The following CCDC6 variants were observed in gnomAD, a reference collection of about 807,000 sequenced individuals.
CCDC6 encodes coiled-coil domain containing 6, also known as coiled-coil domain-containing protein 6.
CCDC6 carries 20 observed loss-of-function variants against 56.6 expected under a neutral mutation model. The ratio of observed to expected loss-of-function variants is 0.35; its 90% CI spans 0.25 to 0.51. The LOEUF (loss-of-function observed/expected upper bound fraction) is 0.51, where lower values mean the gene tolerates loss of function less well. Ranked by LOEUF, CCDC6 falls within the 20% of genes least tolerant of loss-of-function variation. The pLI is 0.95. For missense variants in CCDC6, 367 were observed against 601.1 expected (o/e 0.61, Z 4.07); for synonymous variants, 241 against 234.4 (o/e 1.03, Z -0.26).
intron 1 of CCDC6, among the ~76,000 whole-genome samples, chr10:59,865,791 GCAGTGATC>G (rs2071171813): frequency 7.1e-6 from 1 of 140,266 alleles, no homozygotes; most frequent in African/African-American, 2.8e-5. Flanking sequence ...GATAGAGGTT[GCAGTGATC>G]GAGACAGGGT....
Position 59,812,768 on chromosome 10 carries a change from G to C in CCDC6, c.714C>G (p.Pro238=), listed in dbSNP as rs760941928. ...KRILQEKLDQ[P]VSAPPSPRDI... The stretch of plus-strand genomic sequence containing the variant: ...CTCTAGGCGATGGTGGAGCAGAGAC[G>C]GGCTGGTCTAATTTTTCCTGCAGGA... The change falls in exon 5 of 9, where the codon CCC becomes CCG. Residue 238 remains proline, a synonymous_variant. Transcript: ENST00000263102. 8 of 1,607,042 alleles carry C rather than the reference G, an allele frequency of 5.0e-6. No individual in the cohort carries two copies. The highest frequency in any genetic ancestry group is 2.2e-5 in the South Asian group (2 of 89,486).
chr10:59,801,011 A>G (rs1424605934), intron 7 of CCDC6, among the ~76,000 whole-genome samples: 1 of 152,210 alleles, frequency 6.6e-6, no homozygotes, highest in Non-Finnish European at 1.5e-5. Flanking sequence ...CAAGATACAA[A>G]AGCATTTCAT....
intron 1 of CCDC6, among the ~76,000 whole-genome samples, chr10:59,864,517 G>C (rs574488191): frequency 1.3e-5 from 2 of 152,286 alleles, no homozygotes; most frequent in South Asian, 4.1e-4. Context: ...CCTGATGATT[G>C]TTCTGCGGGG....
rs1214201177 is a variant in CCDC6 at position 59,788,779 on chromosome 10, ATCTT to A, written c.*4134_*4137del. 1.6e-5 allele frequency: 3 copies of A among 185,856 alleles called. No homozygotes were observed. The highest frequency in any genetic ancestry group is 2.3e-5 in the African/African-American group (1 of 42,674). The allele number at this position is 185,856 out of a possible 1,614,324, so 11.5% of individuals were successfully genotyped here. A position where few individuals can be genotyped will look rare whatever the true frequency, so the allele number is the denominator to read the frequency against. On this transcript the variant is annotated 3_prime_UTR_variant, in exon 9 of 9. Coordinates refer to ENST00000263102, the MANE Select transcript of CCDC6 (RefSeq NM_005436.5). ...CTCAAGAGGTACATTTTAAAAAATTATCTTTATTTAGGTTTCTGATTCAGCACAT... is the reference window on the plus strand; with the variant it reads ...CTCAAGAGGTACATTTTAAAAAATTATATTTAGGTTTCTGATTCAGCACAT...
chr10:59,827,941 G>A (rs374319753), intron 3 of CCDC6, among the ~76,000 whole-genome samples: 1 of 152,090 alleles, frequency 6.6e-6, no homozygotes. Flanking sequence ...TAAAACCCAC[G>A]TACCGTATGC....
At chr10:59,799,508 G>GT in intron 7 of CCDC6, among the ~76,000 whole-genome samples, 1 of 152,312 alleles carries the variant, frequency 6.6e-6, no homozygotes, top group South Asian at 2.1e-4. Context: ...CAGGTCAGTG[G>GT]TTCTCAACAG....
chr10:59,870,233 G>A (rs1179771992), intron 1 of CCDC6, among the ~76,000 whole-genome samples: 2 of 152,126 alleles, frequency 1.3e-5, no homozygotes, highest in Non-Finnish European at 2.9e-5. Context: ...TCATTGAGAC[G>A]TGGAAAAAGG....
intron 1 of CCDC6, among the ~76,000 whole-genome samples, chr10:59,881,535 T>A (rs1486840725): frequency 6.6e-6 from 1 of 152,172 alleles, no homozygotes; most frequent in African/African-American, 2.4e-5. Context: ...TTTTAATACA[T>A]GAATTCATTC....
At position 59,854,556 on chromosome 10, in the gene CCDC6, G is replaced by T. The variant is rs533406615; in HGVS notation, c.304-1854C>A. On this transcript the variant is annotated intron_variant, in intron 1 of 8. Transcript: ENST00000263102. Reference sequence around the variant, plus strand: ...TACCAGCCAAGGCACCCAGTGAGCAGTCCATAGGTTCCCCCAGTGGTTCCC... The same window carrying T: ...TACCAGCCAAGGCACCCAGTGAGCATTCCATAGGTTCCCCCAGTGGTTCCC... 4.0e-4 allele frequency among the ~76,000 whole-genome samples: 61 copies of T among 151,596 alleles called. 1 individual carries two copies. Among genetic ancestry groups the T allele is most frequent in the African/African-American group, 1.4e-3 (60 of 41,520 alleles).
At chr10:59,884,096 A>T (rs61845860) in intron 1 of CCDC6, among the ~76,000 whole-genome samples, 11,490 of 152,314 alleles carry the variant, frequency 0.075, 576 homozygotes, top group Middle Eastern at 0.13. Context: ...ACTAAAAGCC[A>T]TATTATCTCT....
chr10:59,847,510 A>G (rs1004310772), intron 2 of CCDC6, among the ~76,000 whole-genome samples: 1 of 152,164 alleles, frequency 6.6e-6, no homozygotes, highest in Non-Finnish European at 1.5e-5. Flanking sequence ...TCACTTGCAA[A>G]TGAGCCTGAC....
intron 1 of CCDC6, among the ~76,000 whole-genome samples, chr10:59,899,863 A>G (rs1359211537): frequency 6.8e-6 from 1 of 147,192 alleles, no homozygotes; most frequent in Non-Finnish European, 1.5e-5. Flanking sequence ...ACCCAAAGCT[A>G]GAAGGCAAGG....
rs1167007522 is a variant in CCDC6 at position 59,869,389 on chromosome 10, C to CAAAAAAAAAAAAAAAAAAAA, written c.304-16707_304-16688dup. 1.1e-3 allele frequency among the ~76,000 whole-genome samples: 7 copies of CAAAAAAAAAAAAAAAAAAAA among 6,090 alleles called. 2 individuals are homozygous for CAAAAAAAAAAAAAAAAAAAA. Among genetic ancestry groups the CAAAAAAAAAAAAAAAAAAAA allele is most frequent in the African/African-American group, 2.2e-3 (5 of 2,226 alleles). 4.0% of individuals were successfully genotyped at this position (6,090 alleles called of 152,430 possible). A position where few individuals can be genotyped will look rare whatever the true frequency, so the allele number is the denominator to read the frequency against. The stretch of plus-strand genomic sequence containing the variant: ...GCAGTGAGACATGGACTTGCTCAGG[C>CAAAAAAAAAAAAAAAAAAAA]AAAAAAAAAAAAAAAAAAAAAAAAA... On this transcript the variant is annotated intron_variant, in intron 1 of 8. Transcript: ENST00000263102.
At chr10:59,831,805 C>T (rs16914233) in intron 3 of CCDC6, among the ~76,000 whole-genome samples, 22,664 of 152,168 alleles carry the variant, frequency 0.15, 2,045 homozygotes, top group African/African-American at 0.25. Flanking sequence ...GATAATGGGG[C>T]ATACAGACCA....
chr10:59,838,738 A>G (rs530413595), intron 2 of CCDC6, among the ~76,000 whole-genome samples: 1 of 152,248 alleles, frequency 6.6e-6, no homozygotes, highest in Admixed American at 6.5e-5. Context: ...CTAGATCACA[A>G]TACTTGCTAG....
At chr10:59,814,831 T>A in intron 3 of CCDC6, 76 bp from the exon 4 acceptor site, 1 of 916,722 alleles carries the variant, frequency 1.1e-6, no homozygotes, top group Non-Finnish European at 1.8e-6. Flanking sequence ...ATTGAACAAT[T>A]AGGACCCCTT....
At chr10:59,794,907 A>C (rs1238017981) in intron 7 of CCDC6, among the ~76,000 whole-genome samples, 1 of 152,202 alleles carries the variant, frequency 6.6e-6, no homozygotes, top group East Asian at 1.9e-4. Context: ...CTGGATATTC[A>C]CATGCAGAGG....
intron 7 of CCDC6, among the ~76,000 whole-genome samples, chr10:59,795,800 A>G (rs2070511585): frequency 6.6e-6 from 1 of 152,172 alleles, no homozygotes; most frequent in Admixed American, 6.5e-5. Context: ...TACAAAGGAC[A>G]TGAACTCATC....
intron 1 of CCDC6, among the ~76,000 whole-genome samples, chr10:59,873,418 G>A (rs981805556): frequency 3.3e-5 from 5 of 152,056 alleles, no homozygotes; most frequent in African/African-American, 9.7e-5. Flanking sequence ...GCCAAGGAAC[G>A]CCTGGAGATA....
Sources: allele counts gnomAD v4.1 joint callset (sites outside exome capture counted in the v4.1 genomes callset), GRCh38; gene constraint gnomAD v4.1.1; transcripts MANE v1.5; gene names NCBI Gene and HGNC (gene_info 2026-07-23, HGNC 2026-07-21).